THSD7B: variants seen among roughly 807,000 people sequenced by gnomAD.
THSD7B encodes thrombospondin type-1 domain-containing protein 7B.
Under a neutral mutation model 213.6 loss-of-function variants are expected in THSD7B, and 138 were observed. The observed-to-expected ratio is 0.65, with a 90% confidence interval of 0.56 to 0.74. The LOEUF is 0.74. Among genes scored for constraint, THSD7B ranks in the 30% least tolerant of loss-of-function variants. The pLI is 0.00. For synonymous variants in THSD7B, 742 were observed against 687.0 expected (o/e 1.08, Z -1.25); for missense variants, 1,931 against 1,991.5 (o/e 0.97, Z 0.58).
At chr2:137,475,282 G>T (rs935081452) in intron 15 of THSD7B, among the ~76,000 whole-genome samples, 79 of 152,204 alleles carry the variant, frequency 5.2e-4, no homozygotes, top group African/African-American at 1.8e-3. Context: ...AATAATCAAG[G>T]CGGTATTTAG....
chr2:137,301,787 G>GA (rs1683608212), intron 12 of THSD7B, among the ~76,000 whole-genome samples: 3 of 152,092 alleles, frequency 2.0e-5, no homozygotes, highest in Admixed American at 6.5e-5. Context: ...AGTTTGAGCA[G>GA]AAAAAATCAG....
At chr2:137,347,366 G>C (rs529903544) in intron 12 of THSD7B, among the ~76,000 whole-genome samples, 1 of 151,576 alleles carries the variant, frequency 6.6e-6, no homozygotes, top group African/African-American at 2.4e-5. Context: ...AGTCAGTAGT[G>C]TTCCATTGAT....
chr2:137,666,544 C>CCG (rs1273502643), intron 26 of THSD7B, among the ~76,000 whole-genome samples: 4 of 147,464 alleles, frequency 2.7e-5, no homozygotes, highest in Non-Finnish European at 4.5e-5. Flanking sequence ...ATTTCCCCCC[C>CCG]CCATAGAAGC....
intron 15 of THSD7B, among the ~76,000 whole-genome samples, chr2:137,546,392 A>C (rs1680716848): frequency 2.6e-5 from 1 of 39,022 alleles, no homozygotes; most frequent in African/African-American, 1.4e-4. Context: ...TATATTATAT[A>C]TATTATATAT....
intron 15 of THSD7B, among the ~76,000 whole-genome samples, chr2:137,534,476 G>T (rs1229009092): frequency 6.6e-6 from 1 of 151,618 alleles, no homozygotes; most frequent in Non-Finnish European, 1.5e-5. Flanking sequence ...CAGGTTCTCT[G>T]AGGAAAGAGA....
intron 2 of THSD7B, among the ~76,000 whole-genome samples, chr2:136,913,417 G>T (rs993637346): frequency 1.3e-5 from 2 of 152,380 alleles, no homozygotes; most frequent in Admixed American, 1.3e-4. Flanking sequence ...CAAGCCAGCT[G>T]CAGAAACTTA....
intron 1 of THSD7B, among the ~76,000 whole-genome samples, chr2:136,767,851 T>C (rs372332848): frequency 1.1e-4 from 17 of 152,244 alleles, no homozygotes; most frequent in African/African-American, 4.1e-4. Flanking sequence ...GCTCACTTTA[T>C]GTCAACCTTA....
At chr2:136,994,590 A>G (rs78891665) in intron 2 of THSD7B, among the ~76,000 whole-genome samples, 1,621 of 152,222 alleles carry the variant, frequency 0.011, 22 homozygotes, top group African/African-American at 0.037. Context: ...GCCTATGTTG[A>G]GAATTCCTGG....
At chr2:136,867,365 T>C (rs946485621) in intron 1 of THSD7B, among the ~76,000 whole-genome samples, 3 of 152,188 alleles carry the variant, frequency 2.0e-5, no homozygotes, top group Non-Finnish European at 2.9e-5. Flanking sequence ...AGTGTGGAGC[T>C]ACCTCAGGTG....
chr2:137,266,965 G>A (rs1201760495), intron 10 of THSD7B, among the ~76,000 whole-genome samples: 1 of 152,150 alleles, frequency 6.6e-6, no homozygotes, highest in Non-Finnish European at 1.5e-5. Context: ...TCAGTGTGAT[G>A]TTCCCCAGCT....
intron 10 of THSD7B, among the ~76,000 whole-genome samples, chr2:137,252,730 G>C (rs1682214807): frequency 6.6e-6 from 1 of 152,172 alleles, no homozygotes; most frequent in Non-Finnish European, 1.5e-5. Flanking sequence ...TGATGCAGGA[G>C]CATCCCTCCG....
intron 12 of THSD7B, among the ~76,000 whole-genome samples, chr2:137,340,988 T>G (rs951949999): frequency 8.7e-5 from 13 of 149,744 alleles, no homozygotes; most frequent in East Asian, 3.9e-4. Context: ...TTTGTTTTTT[T>G]TTTTTTTTTT....
chr2:137,558,164 A>C (rs889281383), intron 15 of THSD7B, among the ~76,000 whole-genome samples: 13 of 152,206 alleles, frequency 8.5e-5, no homozygotes, highest in Non-Finnish European at 1.6e-4. Flanking sequence ...TTCCTTCTGA[A>C]ACTATTCCAA....
At position 137,455,677 on chromosome 2, in the gene THSD7B, A is replaced by G. The variant is rs573954726; in HGVS notation, c.3138+4654A>G. ...ATGCAGCTTGTCCAAAGCTCTTATC[A>G]AGGCATAAAACATCTTCTAAATAGT... On this transcript the variant is annotated intron_variant, in intron 15 of 27. Coordinates refer to ENST00000409968, the MANE Select transcript of THSD7B (RefSeq NM_001316349.2). Among the ~76,000 whole-genome samples the G allele has an allele frequency of 2.6e-5, 4 of 152,328 alleles. No homozygotes were observed. In the South Asian group the frequency reaches 8.3e-4, roughly 32 times the overall value.
At chr2:136,847,555 T>G (rs1683030792) in intron 1 of THSD7B, among the ~76,000 whole-genome samples, 1 of 152,174 alleles carries the variant, frequency 6.6e-6, no homozygotes, top group African/African-American at 2.4e-5. Context: ...ATATCTGGAT[T>G]TTTTCATAGA....
At chr2:137,623,791 C>T (rs942266944) in intron 20 of THSD7B, among the ~76,000 whole-genome samples, 2 of 152,106 alleles carry the variant, frequency 1.3e-5, no homozygotes, top group Non-Finnish European at 2.9e-5. Context: ...AGGACCTCTT[C>T]AAGGAGAATT....
intron 1 of THSD7B, among the ~76,000 whole-genome samples, chr2:136,796,413 C>T (rs1439059758): frequency 2.6e-5 from 4 of 151,816 alleles, no homozygotes; most frequent in Non-Finnish European, 5.9e-5. Flanking sequence ...AACTTGCTGG[C>T]GACCGTGGAA....
At chr2:136,878,424 T>C (rs1683559646) in intron 1 of THSD7B, among the ~76,000 whole-genome samples, 1 of 152,114 alleles carries the variant, frequency 6.6e-6, no homozygotes, top group African/African-American at 2.4e-5. Context: ...ATCCTTTGGG[T>C]ATATATCCAG....
intron 17 of THSD7B, among the ~76,000 whole-genome samples, chr2:137,576,227 A>G (rs967206422): frequency 1.3e-5 from 2 of 152,118 alleles, no homozygotes; most frequent in Non-Finnish European, 2.9e-5. Flanking sequence ...TTTCCTAAAC[A>G]TTGATATTGA....
Sources: allele counts gnomAD v4.1 joint callset (sites outside exome capture counted in the v4.1 genomes callset), GRCh38; gene constraint gnomAD v4.1.1; transcripts MANE v1.5; gene names NCBI Gene and HGNC (gene_info 2026-07-23, HGNC 2026-07-21).